REDIC1: variants seen among roughly 807,000 people sequenced by gnomAD.
REDIC1 encodes the protein regulator of DNA class I crossover intermediates 1.
the REDIC1 span, among the ~76,000 whole-genome samples, chr12:39,711,691 ATG>A: frequency 5.8e-4 from 36 of 61,582 alleles, 3 homozygotes; most frequent in African/African-American, 1.3e-3. Context: ...ATGCACATGT[ATG>A]TGTATGTGTA....
At chr12:39,712,841 A>T in the REDIC1 span, among the ~76,000 whole-genome samples, 59 of 121,518 alleles carry the variant, frequency 4.9e-4, no homozygotes, top group Non-Finnish European at 8.5e-4. Context: ...ATACATATAC[A>T]CGTATATACA....
At chr12:39,903,872 TG>T in the REDIC1 span, among the ~76,000 whole-genome samples, 2 of 152,238 alleles carry the variant, frequency 1.3e-5, no homozygotes, top group Admixed American at 6.6e-5. Context: ...TTATATTTAC[TG>T]GGGACGTGAT....
the REDIC1 span, among the ~76,000 whole-genome samples, chr12:39,868,821 G>T: frequency 1.3e-5 from 2 of 152,044 alleles, no homozygotes; most frequent in Non-Finnish European, 2.9e-5. Context: ...CACCAAAAAT[G>T]TCCTACATTT....
the REDIC1 span, chr12:39,720,867 T>C: frequency 1.9e-6 from 3 of 1,613,068 alleles, no homozygotes; most frequent in Non-Finnish European, 2.5e-6. Context: ...AAAAAATGAA[T>C]AATTTTTATG....
At chr12:39,742,898 A>C in the REDIC1 span, among the ~76,000 whole-genome samples, 958 of 152,298 alleles carry the variant, frequency 6.3e-3, 6 homozygotes, top group African/African-American at 0.022. Flanking sequence ...CATAAGCAGA[A>C]ACCTCCGTGG....
the REDIC1 span, among the ~76,000 whole-genome samples, chr12:39,696,580 A>AAAAAAAAAAAAAAAC: frequency 7.5e-6 from 1 of 133,246 alleles, no homozygotes; most frequent in Middle Eastern, 3.6e-3. Flanking sequence ...AAAAAAAAAA[A>AAAAAAAAAAAAAAAC]TAACGCACCA....
the REDIC1 span, among the ~76,000 whole-genome samples, chr12:39,867,425 C>G: frequency 1.3e-5 from 2 of 151,656 alleles, no homozygotes; most frequent in Non-Finnish European, 2.9e-5. Flanking sequence ...GGCCACCATA[C>G]TATACATTTT....
the REDIC1 span, among the ~76,000 whole-genome samples, chr12:39,883,591 A>G: frequency 6.6e-6 from 1 of 152,156 alleles, no homozygotes; most frequent in Non-Finnish European, 1.5e-5. Context: ...AGGTCATGGC[A>G]TTTACTTCCT....
the REDIC1 span, chr12:39,721,252 T>A: frequency 1.9e-6 from 3 of 1,607,648 alleles, no homozygotes; most frequent in African/African-American, 4.0e-5. Flanking sequence ...GAACAACTAA[T>A]ATTCTAAAAT....
At chr12:39,896,192 ATG>A in the REDIC1 span, among the ~76,000 whole-genome samples, 2 of 147,646 alleles carry the variant, frequency 1.4e-5, no homozygotes, top group African/African-American at 4.9e-5. Context: ...ATATGTATAT[ATG>A]TGTATGTATA....
the REDIC1 span, among the ~76,000 whole-genome samples, chr12:39,713,247 C>T: frequency 0.82 from 107,614 of 131,704 alleles, 43,689 homozygotes; most frequent in Non-Finnish European, 0.85. Context: ...TATATGTGTA[C>T]ACACACATAC....
At chr12:39,665,114 T>A in the REDIC1 span, among the ~76,000 whole-genome samples, 4 of 152,062 alleles carry the variant, frequency 2.6e-5, no homozygotes, top group African/African-American at 9.7e-5. Flanking sequence ...TTGTTGCCAT[T>A]GCTTTTGGTG....
chr12:39,784,644 C>A, the REDIC1 span, among the ~76,000 whole-genome samples: 1 of 152,144 alleles, frequency 6.6e-6, no homozygotes, highest in African/African-American at 2.4e-5. Context: ...CTAGGCAATA[C>A]CATTGAGGAC....
the REDIC1 span, among the ~76,000 whole-genome samples, chr12:39,850,211 GT>G: frequency 8.5e-5 from 13 of 152,158 alleles, no homozygotes; most frequent in Non-Finnish European, 1.9e-4. Flanking sequence ...AAAGGAGTTA[GT>G]ACTTTAATGC....
chr12:39,710,451 C>A, the REDIC1 span, among the ~76,000 whole-genome samples: 2 of 150,628 alleles, frequency 1.3e-5, no homozygotes, highest in African/African-American at 5.0e-5. Flanking sequence ...CTAGATTATT[C>A]AGTTAATCGT....
At chr12:39,695,148 G>A in the REDIC1 span, among the ~76,000 whole-genome samples, 3 of 152,146 alleles carry the variant, frequency 2.0e-5, no homozygotes, top group African/African-American at 7.2e-5. Flanking sequence ...ATACTTGGTG[G>A]CATCAGGTGG....
At chr12:39,741,690 G>A in the REDIC1 span, among the ~76,000 whole-genome samples, 1 of 152,156 alleles carries the variant, frequency 6.6e-6, no homozygotes, top group Non-Finnish European at 1.5e-5. Flanking sequence ...ATCAATACAT[G>A]GAAGGTCTGC....
the REDIC1 span, among the ~76,000 whole-genome samples, chr12:39,894,463 T>A: frequency 6.6e-6 from 1 of 152,126 alleles, no homozygotes; most frequent in Non-Finnish European, 1.5e-5. Flanking sequence ...ACTTACTCAA[T>A]ATAAAGAGAA....
the REDIC1 span, among the ~76,000 whole-genome samples, chr12:39,865,445 T>C: frequency 6.6e-6 from 1 of 152,184 alleles, no homozygotes; most frequent in African/African-American, 2.4e-5. Context: ...AAATAATATA[T>C]CACATATATT....
Sources: allele counts gnomAD v4.1 joint callset (sites outside exome capture counted in the v4.1 genomes callset), GRCh38; gene constraint gnomAD v4.1.1; transcripts MANE v1.5; gene names NCBI Gene and HGNC (gene_info 2026-07-23, HGNC 2026-07-21).